The following TRPS1 variants were observed in gnomAD, a reference collection of about 807,000 sequenced individuals.
TRPS1 encodes the protein transcriptional repressor GATA binding 1.
Under a neutral mutation model 101.2 loss-of-function variants are expected in TRPS1, and 6 were observed. The ratio of observed to expected loss-of-function variants is 0.06; its 90% CI spans 0.03 to 0.12. The LOEUF (loss-of-function observed/expected upper bound fraction) is 0.12, where lower values mean the gene tolerates loss of function less well. Ranked by LOEUF, TRPS1 falls within the 10% of genes least tolerant of loss-of-function variation. The pLI is 1.00. For missense variants in TRPS1, 1,363 were observed against 1,567.0 expected, an observed-to-expected ratio of 0.87 and a Z score of 2.20; for synonymous variants, 578 against 589.8, an observed-to-expected ratio of 0.98 and a Z score of 0.29.
At chr8:115,557,369 A>C (rs745483031) in intron 5 of TRPS1, among the ~76,000 whole-genome samples, 10 of 152,214 alleles carry the variant, frequency 6.6e-5, no homozygotes, top group Non-Finnish European at 1.2e-4. Context: ...TTTTCCCCCC[A>C]AAATCTAAAA....
At chr8:115,493,706 G>T (rs749833810) in intron 5 of TRPS1, among the ~76,000 whole-genome samples, 41 of 152,152 alleles carry the variant, frequency 2.7e-4, no homozygotes, top group Middle Eastern at 6.8e-3. Flanking sequence ...AATTTATATT[G>T]TTAGAAACCA....
At chr8:115,614,953 T>G (rs1238857899) in intron 3 of TRPS1, among the ~76,000 whole-genome samples, 1 of 152,176 alleles carries the variant, frequency 6.6e-6, no homozygotes, top group Non-Finnish European at 1.5e-5. Context: ...TTAAATCTGT[T>G]GAAAATACAA....
chr8:115,541,055 A>G (rs1384315754), intron 5 of TRPS1, among the ~76,000 whole-genome samples: 2 of 152,126 alleles, frequency 1.3e-5, no homozygotes, highest in African/African-American at 4.8e-5. Flanking sequence ...ATTTATTTAC[A>G]TAAGTATATT....
intron 6 of TRPS1, among the ~76,000 whole-genome samples, chr8:115,416,829 T>G (rs1265597655): frequency 6.6e-6 from 1 of 152,094 alleles, no homozygotes; most frequent in African/African-American, 2.4e-5. Context: ...GCATTTCTTT[T>G]GCTCAGAATA....
chr8:115,583,148 T>C (rs1817488701), intron 5 of TRPS1, among the ~76,000 whole-genome samples: 2 of 152,186 alleles, frequency 1.3e-5, no homozygotes, highest in Non-Finnish European at 2.9e-5. Context: ...GAATATCCAA[T>C]CTAAAAATTC....
chr8:115,517,954 T>C lies in TRPS1; in HGVS notation c.2700+69047A>G, dbSNP rs372960822. On this transcript the variant is annotated intron_variant, in intron 5 of 6. Transcript: ENST00000395715. ...ATGTAGTAAAACTTTTAAGAACCCA[T>C]ACTAAAACTGGATCCAGTAGATGTT... 6.3e-4 allele frequency among the ~76,000 whole-genome samples: 53 copies of C among 83,728 alleles called. No individual in the cohort carries two copies. In the South Asian group the frequency reaches 9.6e-3, roughly 15 times the overall value. The allele number at this position is 83,728 out of a possible 152,430, so 54.9% of individuals were successfully genotyped here. A position where few individuals can be genotyped will look rare whatever the true frequency, so the allele number is the denominator to read the frequency against.
intron 5 of TRPS1, among the ~76,000 whole-genome samples, chr8:115,559,962 T>C (rs1816909630): frequency 6.6e-6 from 1 of 152,070 alleles, no homozygotes; most frequent in Admixed American, 6.6e-5. Context: ...ATTTCAAATC[T>C]TCATCTTGAC....
At chr8:115,668,035 G>A (rs924981381) in intron 1 of TRPS1, 1 of 841,746 alleles carries the variant, frequency 1.2e-6, no homozygotes, top group Non-Finnish European at 1.9e-6. Context: ...GACAGCGAGG[G>A]GGAGTGGGGC....
intron 4 of TRPS1, among the ~76,000 whole-genome samples, chr8:115,592,071 G>C (rs781106984): frequency 6.6e-6 from 1 of 152,106 alleles, no homozygotes; most frequent in African/African-American, 2.4e-5. Flanking sequence ...AAAACACAGG[G>C]GATGGAAAAG....
At chr8:115,544,581 C>T (rs1450912228) in intron 5 of TRPS1, among the ~76,000 whole-genome samples, 1 of 152,048 alleles carries the variant, frequency 6.6e-6, no homozygotes. Flanking sequence ...TATTAGACAT[C>T]CAGCAGCCTA....
intron 5 of TRPS1, among the ~76,000 whole-genome samples, chr8:115,583,377 ATTTACT>A (rs71566093): frequency 0.69 from 104,827 of 151,178 alleles, 37,717 homozygotes; most frequent in African/African-American, 0.89. Context: ...ATATAAAATA[ATTTACT>A]TATACTGTTG....
chr8:115,540,046 C>T (rs1816414750), intron 5 of TRPS1, among the ~76,000 whole-genome samples: 1 of 152,222 alleles, frequency 6.6e-6, no homozygotes, highest in Non-Finnish European at 1.5e-5. Context: ...CACACCACCT[C>T]TTGACCGCAA....
intron 3 of TRPS1, among the ~76,000 whole-genome samples, chr8:115,618,607 T>C (rs767903967): frequency 2.0e-5 from 3 of 152,240 alleles, no homozygotes; most frequent in Non-Finnish European, 1.5e-5. Context: ...TAAAATGTTA[T>C]ATCCCAGTTT....
At chr8:115,631,297 A>G (rs1455741420) in intron 1 of TRPS1, among the ~76,000 whole-genome samples, 2 of 152,120 alleles carry the variant, frequency 1.3e-5, no homozygotes, top group African/African-American at 4.8e-5. Context: ...CAGAAAATAT[A>G]TTATGATTTA....
At chr8:115,429,513 T>C (rs1251460136) in intron 5 of TRPS1, among the ~76,000 whole-genome samples, 1 of 152,138 alleles carries the variant, frequency 6.6e-6, no homozygotes, top group African/African-American at 2.4e-5. Flanking sequence ...CTATATCGCA[T>C]ACCAAAGTAA....
intron 5 of TRPS1, among the ~76,000 whole-genome samples, chr8:115,468,467 A>G (rs1814380962): frequency 6.6e-6 from 1 of 152,216 alleles, no homozygotes; most frequent in Non-Finnish European, 1.5e-5. Flanking sequence ...GAGGGACAGG[A>G]TGGAAAAAGT....
chr8:115,536,394 G>A (rs1329571017), intron 5 of TRPS1, among the ~76,000 whole-genome samples: 1 of 151,836 alleles, frequency 6.6e-6, no homozygotes, highest in African/African-American at 2.4e-5. Flanking sequence ...GTGGTGGCGG[G>A]CGCCTGTAGT....
intron 2 of TRPS1, 134 bp from the exon 3 acceptor site, chr8:115,620,194 A>C (rs1818363874): frequency 1.5e-6 from 1 of 661,070 alleles, no homozygotes; most frequent in South Asian, 2.2e-5. Flanking sequence ...AAAAAAAAAA[A>C]ACCCATTCTA....
chr8:115,454,848 G>A (rs1563742933), intron 5 of TRPS1, among the ~76,000 whole-genome samples: 1 of 152,048 alleles, frequency 6.6e-6, no homozygotes, highest in Non-Finnish European at 1.5e-5. Flanking sequence ...CTTTTAAAAT[G>A]TATTCCCATT....
Sources: gnomAD v4.1 joint callset for allele counts (sites outside exome capture counted in the v4.1 genomes callset) on GRCh38, gnomAD v4.1.1 for gene constraint, MANE v1.5 for transcripts, NCBI Gene and HGNC (gene_info 2026-07-23, HGNC 2026-07-21) for gene names.